The following MAML3 variants were observed in gnomAD, a reference collection of about 807,000 sequenced individuals.
The protein encoded by MAML3 is mastermind like transcriptional coactivator 3.
MAML3 carries 27 observed loss-of-function variants against 101.9 expected under a neutral mutation model. The observed-to-expected ratio is 0.27, with a 90% CI of 0.20 to 0.37. The LOEUF (loss-of-function observed/expected upper bound fraction) is 0.37, where lower values mean the gene tolerates loss of function less well. MAML3 is among the 10% of genes least tolerant of loss of function. MAML3 has a pLI of 1.00. For synonymous variants in MAML3, 501 were observed against 555.9 expected, an observed-to-expected ratio of 0.90 and a Z score of 1.39; for missense variants, 1,316 against 1,444.9, an observed-to-expected ratio of 0.91 and a Z score of 1.45.
At chr4:140,114,931 C>T (rs1219630288) in intron 1 of MAML3, among the ~76,000 whole-genome samples, 1 of 152,024 alleles carries the variant, frequency 6.6e-6, no homozygotes. Context: ...TTACAGTTGC[C>T]CCAATTCTTT....
intron 2 of MAML3, among the ~76,000 whole-genome samples, chr4:139,805,773 G>A (rs1037316307): frequency 3.3e-5 from 5 of 152,090 alleles, no homozygotes; most frequent in South Asian, 2.1e-4. Flanking sequence ...AAACTGGGAG[G>A]AGAAGCTAAG....
intron 2 of MAML3, among the ~76,000 whole-genome samples, chr4:139,877,674 G>T (rs918376020): frequency 6.6e-6 from 1 of 152,112 alleles, no homozygotes; most frequent in Non-Finnish European, 1.5e-5. Flanking sequence ...TCAATGCTGC[G>T]AAAACTTTTT....
intron 2 of MAML3, among the ~76,000 whole-genome samples, chr4:139,887,638 T>C (rs1404794916): frequency 6.6e-6 from 1 of 152,224 alleles, no homozygotes; most frequent in Non-Finnish European, 1.5e-5. Context: ...AGGTGCATCA[T>C]TGCACTCACA....
intron 2 of MAML3, among the ~76,000 whole-genome samples, chr4:139,852,515 C>T (rs199822202): frequency 6.1e-5 from 9 of 146,692 alleles, no homozygotes; most frequent in Admixed American, 2.1e-4. Flanking sequence ...CGGGTTCAAG[C>T]GATTCTTCTG....
chr4:139,891,038 G>A, intron 1 of MAML3, 71 bp from the exon 2 acceptor site: 1 of 1,496,680 alleles, frequency 6.7e-7, no homozygotes, highest in Non-Finnish European at 8.9e-7. Context: ...ATTGAGATGT[G>A]CATTGCGATG....
chr4:139,988,923 C>T lies in MAML3; in HGVS notation c.469-97956G>A, dbSNP rs114819848. On this transcript the variant is annotated intron_variant, in intron 1 of 4. Coordinates refer to ENST00000509479, the MANE Select transcript of MAML3 (RefSeq NM_018717.5). ...GGGGCAATCACTTTCAAATACCACA[C>T]ATTCCTGAAGGAATCACCCTGCTCT... Among the ~76,000 whole-genome samples, 185 of 152,302 alleles carry T rather than the reference C, an allele frequency of 1.2e-3. 1 individual carries two copies. Among genetic ancestry groups the T allele is most frequent in the African/African-American group, 4.2e-3 (174 of 41,558 alleles).
intron 2 of MAML3, among the ~76,000 whole-genome samples, chr4:139,854,715 C>T (rs920571600): frequency 3.3e-5 from 5 of 152,146 alleles, no homozygotes; most frequent in African/African-American, 9.7e-5. Context: ...AGTCTCACTC[C>T]GTGCCCAAGA....
intron 2 of MAML3, among the ~76,000 whole-genome samples, chr4:139,760,041 C>T (rs1321164747): frequency 6.6e-6 from 1 of 152,216 alleles, no homozygotes; most frequent in Non-Finnish European, 1.5e-5. Flanking sequence ...TCTCTCATGA[C>T]AACTTTTGGA....
chr4:140,054,068 G>T (rs1329602243), intron 1 of MAML3, among the ~76,000 whole-genome samples: 2 of 152,090 alleles, frequency 1.3e-5, no homozygotes, highest in Non-Finnish European at 2.9e-5. Context: ...TTACTTTTAT[G>T]TTCTGAAAAA....
chr4:140,003,692 T>A (rs1192793546), intron 1 of MAML3, among the ~76,000 whole-genome samples: 4 of 152,210 alleles, frequency 2.6e-5, no homozygotes, highest in Middle Eastern at 3.2e-3. Flanking sequence ...ACTGAGATAC[T>A]AACATGTGCC....
At chr4:139,950,864 G>A (rs28410498) in intron 1 of MAML3, among the ~76,000 whole-genome samples, 45,999 of 152,058 alleles carry the variant, frequency 0.3, 7,992 homozygotes, top group East Asian at 0.63. Context: ...AGCTTTGCCT[G>A]CAGCTCTGGG....
At chr4:139,895,984 A>G (rs1732597194) in intron 1 of MAML3, among the ~76,000 whole-genome samples, 1 of 152,214 alleles carries the variant, frequency 6.6e-6, no homozygotes, top group Admixed American at 6.5e-5. Flanking sequence ...ATGCTGTGCT[A>G]TAATTTTTAT....
chr4:140,079,091 G>A (rs914601462), intron 1 of MAML3, among the ~76,000 whole-genome samples: 12 of 152,230 alleles, frequency 7.9e-5, no homozygotes, highest in African/African-American at 2.4e-4. Flanking sequence ...AGAGCTCAGT[G>A]CCTTCTTTTA....
intron 2 of MAML3, among the ~76,000 whole-genome samples, chr4:139,848,754 G>A (rs1267608769): frequency 3.3e-5 from 5 of 152,198 alleles, no homozygotes; most frequent in Non-Finnish European, 5.9e-5. Flanking sequence ...CTATGAAATA[G>A]GTGGGAAGTA....
At chr4:140,148,546 G>A (rs1729102581) in intron 1 of MAML3, among the ~76,000 whole-genome samples, 1 of 152,226 alleles carries the variant, frequency 6.6e-6, no homozygotes, top group Non-Finnish European at 1.5e-5. Context: ...TGTTACCCAT[G>A]CTAGCGGCAG....
intron 1 of MAML3, among the ~76,000 whole-genome samples, chr4:140,060,468 A>G (rs1485209751): frequency 6.6e-6 from 1 of 151,602 alleles, no homozygotes; most frequent in Non-Finnish European, 1.5e-5. Flanking sequence ...TGCTTCCCCA[A>G]TACAGCTCAG....
intron 3 of MAML3, among the ~76,000 whole-genome samples, chr4:139,729,609 C>A (rs1404914824): frequency 2.6e-5 from 4 of 152,170 alleles, no homozygotes. Flanking sequence ...TCTGTGCAGA[C>A]CCTCACAGAA....
At chr4:139,767,764 A>G (rs1412348498) in intron 2 of MAML3, among the ~76,000 whole-genome samples, 12 of 152,256 alleles carry the variant, frequency 7.9e-5, no homozygotes, top group Non-Finnish European at 1.8e-4. Flanking sequence ...GTGCATGCAA[A>G]ACTGTGTGTG....
At chr4:139,855,517 A>T (rs1281473788) in intron 2 of MAML3, among the ~76,000 whole-genome samples, 1 of 152,192 alleles carries the variant, frequency 6.6e-6, no homozygotes, top group East Asian at 1.9e-4. Context: ...CATGCATTGC[A>T]TAGTGTTCTT....
Sources: gnomAD v4.1 joint callset for allele counts (sites outside exome capture counted in the v4.1 genomes callset) on GRCh38, gnomAD v4.1.1 for gene constraint, MANE v1.5 for transcripts, NCBI Gene and HGNC (gene_info 2026-07-23, HGNC 2026-07-21) for gene names.